The following UGT1A7 variants were observed in gnomAD, a reference collection of about 807,000 sequenced individuals.
The protein encoded by UGT1A7 is UDP-glucuronosyltransferase 1A7.
In UGT1A7, 33 loss-of-function variants were observed where a neutral mutation model predicts 45.6. That is an observed-to-expected ratio of 0.72 (90% CI 0.55 to 0.97). The LOEUF (loss-of-function observed/expected upper bound fraction) is 0.97, where lower values mean the gene tolerates loss of function less well. UGT1A7 is among the 50% of genes least tolerant of loss of function. The probability of loss-of-function intolerance (pLI) is 0.00; values close to 1 mark genes in which losing one functional copy is unlikely to be tolerated. For synonymous variants in UGT1A7, 274 were observed against 250.6 expected (o/e 1.09, Z -0.88); for missense variants, 684 against 666.2 (o/e 1.03, Z -0.29).
chr2:233,752,600 T>C (rs1023436245), intron 1 of UGT1A7: 2 of 152,076 alleles, frequency 1.3e-5, no homozygotes, highest in African/African-American at 4.8e-5. Flanking sequence ...AGATTTTTTT[T>C]AAAAAAACAT....
chr2:233,754,768 C>T, intron 1 of UGT1A7: 1 of 1,017,180 alleles, frequency 9.8e-7, no homozygotes, highest in Non-Finnish European at 1.4e-6. Context: ...CCCCCACTTC[C>T]CAGGGAGCCA....
intron 1 of UGT1A7, chr2:233,729,865 G>C (rs2077938207): frequency 3.7e-6 from 6 of 1,613,698 alleles, no homozygotes; most frequent in African/African-American, 1.3e-5. Context: ...GTCAGTGGTG[G>C]ATATTCTCAG....
chr2:233,760,629 G>T (rs1330446381), intron 1 of UGT1A7: 1 of 1,613,986 alleles, frequency 6.2e-7, no homozygotes, highest in Non-Finnish European at 8.5e-7. Context: ...AAACATACAA[G>T]AAAATAAAAA....
intron 1 of UGT1A7, among the ~76,000 whole-genome samples, chr2:233,709,487 T>G (rs1422888442): frequency 6.6e-6 from 1 of 152,212 alleles, no homozygotes; most frequent in Non-Finnish European, 1.5e-5. Flanking sequence ...TATTTAGTAT[T>G]TGAAGTCTCT....
At chr2:233,724,171 C>T (rs1472955249) in intron 1 of UGT1A7, among the ~76,000 whole-genome samples, 39 of 91,410 alleles carry the variant, frequency 4.3e-4, no homozygotes, top group South Asian at 7.8e-4. Context: ...CTGACCCCCC[C>T]ATCTCCCTCC....
In UGT1A7 at chr2:233,682,507, C is replaced by G; in HGVS notation, c.570C>G (p.Val190=). The G allele has an allele frequency of 6.2e-7, 1 of 1,613,928 alleles. No homozygotes were observed. The highest frequency in any genetic ancestry group is 8.5e-7 in the Non-Finnish European group (1 of 1,179,856). ...GAQCPAPLSY[V]PRLLLGFSDA... is the part of the protein sequence containing the mutation. Reference sequence around the variant, plus strand: ...AGTGCCCTGCTCCTCTTTCCTATGTCCCCAGACTTCTCTTAGGGTTCTCAG... The same window carrying G: ...AGTGCCCTGCTCCTCTTTCCTATGTGCCCAGACTTCTCTTAGGGTTCTCAG... The change falls in exon 1 of 5, where the codon GTC becomes GTG. Residue 190 remains valine, a synonymous_variant. Coordinates refer to ENST00000373426, the MANE Select transcript of UGT1A7 (RefSeq NM_019077.3).
chr2:233,704,935 A>T (rs931417654), intron 1 of UGT1A7, among the ~76,000 whole-genome samples: 3 of 152,162 alleles, frequency 2.0e-5, no homozygotes, highest in Non-Finnish European at 4.4e-5. Flanking sequence ...GCCTAGATCA[A>T]GACCAGCCTG....
At position 233,772,524 on chromosome 2, in the gene UGT1A7, CG is replaced by C. The variant is rs1700532996; in HGVS notation, c.1559del (p.Arg520GlnfsTer22). On this transcript the variant is annotated frameshift_variant, in exon 5 of 5. Transcript: ENST00000373426. LOFTEE classifies it high-confidence loss of function. The part of the protein sequence containing the change: ...GYRKCLGKKG[R>X]VKKAHKSKTH Reference sequence around the variant, plus strand: ...CCGGAAATGCTTGGGGAAAAAAGGGCGAGTTAAGAAAGCCCACAAATCCAAG... The same window carrying C: ...CCGGAAATGCTTGGGGAAAAAAGGGCAGTTAAGAAAGCCCACAAATCCAAG... 6.2e-7 allele frequency: 1 copy of C among 1,613,838 alleles called. No homozygotes were observed. The highest frequency in any genetic ancestry group is 1.3e-5 in the African/African-American group (1 of 74,832).
intron 1 of UGT1A7, among the ~76,000 whole-genome samples, chr2:233,696,855 A>C (rs1199759556): frequency 6.6e-6 from 1 of 152,166 alleles, no homozygotes; most frequent in Admixed American, 6.5e-5. Flanking sequence ...ATTTTGTTGA[A>C]TGTTTTTTCA....
intron 1 of UGT1A7, chr2:233,755,083 C>G: frequency 1.5e-6 from 2 of 1,335,264 alleles, no homozygotes; most frequent in Non-Finnish European, 2.0e-6. Context: ...TCATAGATAT[C>G]GCGTTTCTAC....
At position 233,716,059 on chromosome 2, in the gene UGT1A7, T is replaced by C. The variant is rs28898603; in HGVS notation, c.855+33267T>C. ...GCATTCTGATTCTGTCCATTCTTAG[T>C]TGTATTCTTTCCACTGAGTGTAAGC... On this transcript the variant is annotated intron_variant, in intron 1 of 4. Coordinates refer to ENST00000373426, the MANE Select transcript of UGT1A7 (RefSeq NM_019077.3). Among the ~76,000 whole-genome samples, 29 of 152,358 alleles carry C rather than the reference T, an allele frequency of 1.9e-4. No homozygotes were observed. In the East Asian group the frequency reaches 5.6e-3, roughly 29 times the overall value.
intron 1 of UGT1A7, among the ~76,000 whole-genome samples, chr2:233,711,938 G>C (rs1180593494): frequency 1.3e-5 from 2 of 152,202 alleles, no homozygotes; most frequent in African/African-American, 4.8e-5. Context: ...CATTAGAAAG[G>C]CACACGTTTA....
At chr2:233,739,133 T>C (rs570890692) in intron 1 of UGT1A7, 1 of 152,384 alleles carries the variant, frequency 6.6e-6, no homozygotes, top group East Asian at 1.9e-4. Context: ...GATAAGAATT[T>C]AGGTTTGGGA....
At chr2:233,742,895 G>A (rs1191973216) in intron 1 of UGT1A7, 1 of 164,996 alleles carries the variant, frequency 6.1e-6, no homozygotes, top group African/African-American at 2.4e-5. Flanking sequence ...TTTCCCAACG[G>A]AAAAAGGTAA....
chr2:233,756,209 T>A (rs1696149779), intron 1 of UGT1A7: 1 of 152,246 alleles, frequency 6.6e-6, no homozygotes. Flanking sequence ...TCCCTGGTAT[T>A]CTGAAGGGAT....
intron 1 of UGT1A7, chr2:233,755,344 A>T (rs1575735285): frequency 1.5e-5 from 6 of 413,752 alleles, no homozygotes; most frequent in Non-Finnish European, 2.1e-5. Context: ...CACAGGTCAG[A>T]GGCTTGGCGA....
intron 1 of UGT1A7, among the ~76,000 whole-genome samples, chr2:233,683,560 T>G (rs1408548719): frequency 6.6e-6 from 1 of 152,212 alleles, no homozygotes; most frequent in African/African-American, 2.4e-5. Context: ...GGCCTTCTTT[T>G]GCTATTACAT....
chr2:233,751,479 G>A (rs184268355), intron 1 of UGT1A7, among the ~76,000 whole-genome samples: 7 of 152,348 alleles, frequency 4.6e-5, no homozygotes, highest in Admixed American at 3.9e-4. Flanking sequence ...GTTTTGAAAT[G>A]TGAAAAGACA....
At chr2:233,729,141 C>G (rs751723491) in intron 1 of UGT1A7, 1 of 1,613,390 alleles carries the variant, frequency 6.2e-7, no homozygotes, top group South Asian at 1.1e-5. Flanking sequence ...CCACAGGACT[C>G]CAGGTTCCCC....
Sources: allele counts gnomAD v4.1 joint callset (sites outside exome capture counted in the v4.1 genomes callset), GRCh38; gene constraint gnomAD v4.1.1; transcripts MANE v1.5; gene names NCBI Gene and HGNC (gene_info 2026-07-23, HGNC 2026-07-21).